Variants in TENM3 observed in about 807,000 individuals in gnomAD.
The protein encoded by TENM3 is teneurin transmembrane protein 3.
A neutral mutation model predicts 255.1 loss-of-function variants in TENM3; 63 were observed. That is an observed-to-expected ratio of 0.25 (90% CI 0.20 to 0.30). The LOEUF (loss-of-function observed/expected upper bound fraction) is 0.30, where lower values mean the gene tolerates loss of function less well. Among genes scored for constraint, TENM3 ranks in the 10% least tolerant of loss-of-function variants. The probability of loss-of-function intolerance (pLI) is 1.00; values close to 1 mark genes in which losing one functional copy is unlikely to be tolerated. For synonymous variants in TENM3, 1,306 were observed against 1,322.3 expected (o/e 0.99, Z 0.27); for missense variants, 2,929 against 3,461.1 (o/e 0.85, Z 3.86).
intron 5 of TENM3, among the ~76,000 whole-genome samples, chr4:182,637,577 A>G (rs1751946366): frequency 6.6e-6 from 1 of 152,232 alleles, no homozygotes; most frequent in South Asian, 2.1e-4. Context: ...TTTCTTCTTT[A>G]GTGACTTTGG....
chr4:181,468,073 G>T, the TENM3 span, among the ~76,000 whole-genome samples: 3 of 149,554 alleles, frequency 2.0e-5, no homozygotes, highest in Non-Finnish European at 3.0e-5. Flanking sequence ...AGGCAGGTGG[G>T]TCACTTGAGC....
chr4:182,593,041 A>C (rs2152392498), intron 3 of TENM3, among the ~76,000 whole-genome samples: 1 of 152,346 alleles, frequency 6.6e-6, no homozygotes, highest in East Asian at 1.9e-4. Context: ...GAAATAATCA[A>C]AGACTGAATC....
the TENM3 span, among the ~76,000 whole-genome samples, chr4:181,751,303 G>T: frequency 6.7e-6 from 1 of 149,966 alleles, no homozygotes; most frequent in South Asian, 2.1e-4. Context: ...TTTAACTCAA[G>T]AATTAATTTG....
chr4:182,624,338 G>A (rs775625921), intron 4 of TENM3, among the ~76,000 whole-genome samples: 14 of 152,176 alleles, frequency 9.2e-5, no homozygotes, highest in Non-Finnish European at 1.5e-4. Flanking sequence ...AAGGGACTAC[G>A]TCGTTGGCCA....
chr4:182,703,472 A>G (rs1758044796), intron 12 of TENM3, among the ~76,000 whole-genome samples: 2 of 152,204 alleles, frequency 1.3e-5, no homozygotes, highest in Non-Finnish European at 2.9e-5. Flanking sequence ...GCTGGAATCT[A>G]TGTAGACATT....
chr4:181,657,746 G>A, the TENM3 span, among the ~76,000 whole-genome samples: 1 of 152,006 alleles, frequency 6.6e-6, no homozygotes, highest in Non-Finnish European at 1.5e-5. Flanking sequence ...CATCAATGGT[G>A]AATTGGATAA....
At position 182,734,638 on chromosome 4, in the gene TENM3, G is replaced by A. The variant is rs144524555; in HGVS notation, c.2968-2170G>A. The stretch of plus-strand genomic sequence containing the variant: ...AATTGGCAGGACATGGTTCCTAACC[G>A]AATGTTTAACGGGATCAGGAATAGG... On this transcript the variant is annotated intron_variant, in intron 16 of 27. Coordinates refer to ENST00000511685, the MANE Select transcript of TENM3 (RefSeq NM_001080477.4). Among the ~76,000 whole-genome samples the A allele has an allele frequency of 1.1e-3, 173 of 152,278 alleles. 1 individual carries two copies. The highest frequency in any genetic ancestry group is 3.5e-3 in the African/African-American group (144 of 41,558).
At chr4:181,714,646 T>C in the TENM3 span, among the ~76,000 whole-genome samples, 6 of 152,314 alleles carry the variant, frequency 3.9e-5, no homozygotes, top group East Asian at 1.2e-3. Context: ...GTAAGTGAAA[T>C]CCATTCCTCC....
chr4:181,546,307 C>A, the TENM3 span, among the ~76,000 whole-genome samples: 2 of 152,130 alleles, frequency 1.3e-5, no homozygotes, highest in African/African-American at 4.8e-5. Flanking sequence ...CTGAGAAACT[C>A]GTGCTCACAG....
intron 5 of TENM3, among the ~76,000 whole-genome samples, chr4:182,645,141 C>T (rs764701122): frequency 1.2e-4 from 18 of 151,140 alleles, no homozygotes; most frequent in Non-Finnish European, 2.4e-4. Flanking sequence ...CTTCACTGCC[C>T]AGGCTAAAGT....
chr4:182,080,944 T>C, the TENM3 span, among the ~76,000 whole-genome samples: 4 of 152,060 alleles, frequency 2.6e-5, no homozygotes, highest in Non-Finnish European at 4.4e-5. Context: ...TGAGCCATGA[T>C]GACACCACTG....
chr4:181,987,764 A>T, the TENM3 span, among the ~76,000 whole-genome samples: 1 of 151,912 alleles, frequency 6.6e-6, no homozygotes, highest in Non-Finnish European at 1.5e-5. Flanking sequence ...GTGCTGAACA[A>T]AAATTATATA....
the TENM3 span, among the ~76,000 whole-genome samples, chr4:181,660,748 C>G: frequency 2.0e-5 from 3 of 152,090 alleles, no homozygotes; most frequent in East Asian, 5.8e-4. Flanking sequence ...ATGCCTCTTA[C>G]GTTACTGGAA....
chr4:181,831,158 A>G, the TENM3 span, among the ~76,000 whole-genome samples: 2 of 152,326 alleles, frequency 1.3e-5, no homozygotes, highest in East Asian at 1.9e-4. Flanking sequence ...TAGATTTACT[A>G]TGACTTACAG....
the TENM3 span, among the ~76,000 whole-genome samples, chr4:181,490,456 T>C: frequency 6.7e-6 from 1 of 149,510 alleles, no homozygotes; most frequent in Non-Finnish European, 1.5e-5. Flanking sequence ...TCTTTATGAG[T>C]TTAAACAGTA....
intron 1 of TENM3, among the ~76,000 whole-genome samples, chr4:182,229,610 G>GTA (rs1381372594): frequency 7.0e-6 from 1 of 142,930 alleles, no homozygotes. Flanking sequence ...GTGTATGTGT[G>GTA]TATATATATG....
At chr4:181,589,444 C>G in the TENM3 span, among the ~76,000 whole-genome samples, 1 of 152,102 alleles carries the variant, frequency 6.6e-6, no homozygotes, top group Non-Finnish European at 1.5e-5. Context: ...AATATACACA[C>G]TTTAAGGAAG....
the TENM3 span, among the ~76,000 whole-genome samples, chr4:181,924,691 C>G: frequency 2.6e-5 from 4 of 152,100 alleles, no homozygotes; most frequent in South Asian, 8.3e-4. Context: ...TCAACAATTT[C>G]TCATCATTTG....
intron 3 of TENM3, among the ~76,000 whole-genome samples, chr4:182,503,616 C>G (rs1344651212): frequency 1.3e-5 from 2 of 152,128 alleles, no homozygotes; most frequent in Non-Finnish European, 2.9e-5. Flanking sequence ...CATCTCATTT[C>G]AAGATCCAGG....
Sources: gnomAD v4.1 joint callset for allele counts (sites outside exome capture counted in the v4.1 genomes callset) on GRCh38, gnomAD v4.1.1 for gene constraint, MANE v1.5 for transcripts, NCBI Gene and HGNC (gene_info 2026-07-23, HGNC 2026-07-21) for gene names.